Variants in SNTB1 observed in about 807,000 individuals in gnomAD.
The protein encoded by SNTB1 is syntrophin beta 1, also known as beta-1-syntrophin.
Under a neutral mutation model 48.9 loss-of-function variants are expected in SNTB1, and 36 were observed. That is an observed-to-expected ratio of 0.74 (90% CI 0.56 to 0.97). SNTB1 has a LOEUF of 0.97. SNTB1 is among the 50% of genes least tolerant of loss of function. SNTB1 has a pLI of 0.00. For synonymous variants in SNTB1, 299 were observed against 294.6 expected (o/e 1.01, Z -0.15); for missense variants, 786 against 703.4 (o/e 1.12, Z -1.33).
chr8:120,637,116 A>C (rs983916458), intron 2 of SNTB1: 2 of 334,174 alleles, frequency 6.0e-6, no homozygotes, highest in African/African-American at 4.5e-5. Context: ...CAGGCTTGGA[A>C]GAGAAACTTC....
At chr8:120,556,897 C>T (rs1473413059) in intron 4 of SNTB1, among the ~76,000 whole-genome samples, 1 of 152,226 alleles carries the variant, frequency 6.6e-6, no homozygotes, top group Non-Finnish European at 1.5e-5. Flanking sequence ...CATCTCCACT[C>T]TGATGGCTCA....
intron 1 of SNTB1, among the ~76,000 whole-genome samples, chr8:120,746,203 C>A (rs568396647): frequency 6.6e-6 from 1 of 152,236 alleles, no homozygotes; most frequent in Non-Finnish European, 1.5e-5. Flanking sequence ...TCAGCCTACT[C>A]AACATGAAGA....
Position 120,548,812 on chromosome 8 carries a change from A to G in SNTB1, c.1283T>C (p.Ile428Thr). The G allele has an allele frequency of 6.2e-7, 1 of 1,614,058 alleles. No homozygotes were observed. Among genetic ancestry groups the G allele is most frequent in the Non-Finnish European group, 8.5e-7 (1 of 1,179,978 alleles). The change falls in exon 5 of 7, where the codon ATA (isoleucine) becomes ACA (threonine). Residue 428 changes from isoleucine to threonine, a missense_variant. Coordinates refer to ENST00000517992, the MANE Select transcript of SNTB1 (RefSeq NM_021021.4). ...AGCAGAATTGTGGCAACCCTGTACT[A>G]TGCTCCTTGTCCAGTGGGAGAGGTC... ...SRDLSHWTRSIVQGCHNSAEL... is the reference protein window; with the variant it reads ...SRDLSHWTRSTVQGCHNSAEL...
intron 1 of SNTB1, 130 bp downstream of exon 1, chr8:120,811,143 A>G (rs926236851): frequency 7.1e-6 from 8 of 1,130,356 alleles, no homozygotes; most frequent in Non-Finnish European, 7.1e-6. Flanking sequence ...CCCCCCCCCC[A>G]ACACACACAC....
intron 3 of SNTB1, among the ~76,000 whole-genome samples, chr8:120,629,543 CATG>C (rs1363206978): frequency 6.6e-6 from 1 of 152,138 alleles, no homozygotes; most frequent in African/African-American, 2.4e-5. Flanking sequence ...CAAGCAAATT[CATG>C]ATATTTGTGA....
chr8:120,603,448 T>C (rs1185316129), intron 3 of SNTB1, among the ~76,000 whole-genome samples: 1 of 152,234 alleles, frequency 6.6e-6, no homozygotes, highest in African/African-American at 2.4e-5. Context: ...TTTCTTTTCC[T>C]TTCTTTTTTT....
intron 3 of SNTB1, among the ~76,000 whole-genome samples, chr8:120,628,559 C>T (rs904199267): frequency 2.6e-5 from 4 of 152,098 alleles, no homozygotes; most frequent in Admixed American, 1.3e-4. Context: ...GAGTTCGAGA[C>T]CATCCTGGCC....
chr8:120,554,836 ATGC>A (rs1563816015), intron 4 of SNTB1, among the ~76,000 whole-genome samples: 4 of 152,156 alleles, frequency 2.6e-5, no homozygotes, highest in Non-Finnish European at 5.9e-5. Flanking sequence ...GATAGCAAAG[ATGC>A]TGAGACCCGC....
intron 1 of SNTB1, among the ~76,000 whole-genome samples, chr8:120,766,063 T>C (rs1442166956): frequency 1.3e-5 from 2 of 152,174 alleles, no homozygotes; most frequent in African/African-American, 4.8e-5. Context: ...CAGCAGCCAT[T>C]TGAATGTTTA....
intron 1 of SNTB1, chr8:120,769,761 A>G (rs1411734396): frequency 1.3e-5 from 2 of 152,194 alleles, no homozygotes; most frequent in Admixed American, 6.5e-5. Flanking sequence ...TCCCAAAAAG[A>G]GCTGCTCAGC....
intron 1 of SNTB1, among the ~76,000 whole-genome samples, chr8:120,809,885 T>C (rs867457924): frequency 5.9e-5 from 9 of 152,206 alleles, no homozygotes; most frequent in South Asian, 2.1e-4. Context: ...TTTCTCTGCA[T>C]TGTGGGCCAG....
intron 3 of SNTB1, among the ~76,000 whole-genome samples, chr8:120,588,509 C>T (rs920908142): frequency 7.0e-6 from 1 of 142,680 alleles, no homozygotes; most frequent in East Asian, 2.1e-4. Context: ...CTTCGTAAAA[C>T]CTGCCCCAAC....
intron 1 of SNTB1, among the ~76,000 whole-genome samples, chr8:120,727,239 G>A (rs1473008494): frequency 6.6e-6 from 1 of 152,194 alleles, no homozygotes; most frequent in African/African-American, 2.4e-5. Flanking sequence ...AGCTTTAGGG[G>A]TGTGTGCCAG....
chr8:120,660,856 T>A (rs1197794173), intron 2 of SNTB1, among the ~76,000 whole-genome samples: 1 of 152,148 alleles, frequency 6.6e-6, no homozygotes, highest in African/African-American at 2.4e-5. Context: ...ATTTCAAGAT[T>A]GTTATGTCAC....
intron 1 of SNTB1, among the ~76,000 whole-genome samples, chr8:120,793,150 AGG>A (rs1352226338): frequency 7.9e-5 from 12 of 152,006 alleles, no homozygotes; most frequent in Non-Finnish European, 1.5e-5. Context: ...AAAATCACTC[AGG>A]ATTTCTGAAG....
chr8:120,715,709 G>C (rs1201041085), intron 1 of SNTB1, among the ~76,000 whole-genome samples: 3 of 152,198 alleles, frequency 2.0e-5, no homozygotes, highest in Non-Finnish European at 2.9e-5. Flanking sequence ...AGGTTAAAGT[G>C]ACAGGCAATT....
At chr8:120,557,280 T>G (rs1815580078) in intron 4 of SNTB1, among the ~76,000 whole-genome samples, 1 of 152,190 alleles carries the variant, frequency 6.6e-6, no homozygotes, top group South Asian at 2.1e-4. Context: ...GTTAAGAATA[T>G]TCTCCCCTCA....
At chr8:120,600,405 A>C (rs1816403222) in intron 3 of SNTB1, among the ~76,000 whole-genome samples, 1 of 152,222 alleles carries the variant, frequency 6.6e-6, no homozygotes, top group Non-Finnish European at 1.5e-5. Flanking sequence ...ATATGTGTGC[A>C]CCATCTTGGA....
intron 2 of SNTB1, among the ~76,000 whole-genome samples, chr8:120,648,570 C>G (rs1194199455): frequency 6.6e-6 from 1 of 151,946 alleles, no homozygotes; most frequent in Non-Finnish European, 1.5e-5. Flanking sequence ...TTGAGGGTAA[C>G]CCGACCTTTC....
Sources: gnomAD v4.1 joint callset for allele counts (sites outside exome capture counted in the v4.1 genomes callset) on GRCh38, gnomAD v4.1.1 for gene constraint, MANE v1.5 for transcripts, NCBI Gene and HGNC (gene_info 2026-07-23, HGNC 2026-07-21) for gene names.